The following PTCHD4 variants were observed in gnomAD, a reference collection of about 807,000 sequenced individuals.
PTCHD4 encodes patched domain containing 4.
A neutral mutation model predicts 58.1 loss-of-function variants in PTCHD4; 33 were observed. That is an observed-to-expected ratio of 0.57 (90% CI 0.43 to 0.76). PTCHD4 has a LOEUF of 0.76. Among genes scored for constraint, PTCHD4 ranks in the 30% least tolerant of loss-of-function variants. The probability of loss-of-function intolerance (pLI) is 0.00; values close to 1 mark genes in which losing one functional copy is unlikely to be tolerated. For missense variants in PTCHD4, 1,058 were observed against 1,027.1 expected, an observed-to-expected ratio of 1.03 and a Z score of -0.41; for synonymous variants, 478 against 409.6, an observed-to-expected ratio of 1.17 and a Z score of -2.02.
intron 4 of PTCHD4, among the ~76,000 whole-genome samples, chr6:47,892,366 T>G (rs922678172): frequency 6.6e-6 from 1 of 152,180 alleles, no homozygotes; most frequent in African/African-American, 2.4e-5. Flanking sequence ...TGAGGGATCA[T>G]TTAGGGAATA....
intron 4 of PTCHD4, among the ~76,000 whole-genome samples, chr6:47,984,662 T>C (rs1244030073): frequency 1.3e-5 from 2 of 152,080 alleles, no homozygotes; most frequent in East Asian, 3.9e-4. Flanking sequence ...AAATAAATAC[T>C]TGGAGAATAT....
rs71806345 is a variant in PTCHD4, at chr6:47,895,415, AAAT to A, written c.899-15482_899-15480del. Among the ~76,000 whole-genome samples, 141 of 152,338 alleles carry A rather than the reference AAAT, an allele frequency of 9.3e-4. 4 individuals are homozygous for A. In the East Asian group the frequency reaches 0.024, roughly 26 times the overall value. On this transcript the variant is annotated intron_variant, in intron 4 of 4. Coordinates refer to ENST00000339488, the MANE Select transcript of PTCHD4 (RefSeq NM_001384253.1). The stretch of plus-strand genomic sequence containing the variant: ...CAACAACCTAGGTTTCAGAAATTTT[AAAT>A]AATGAGCTGATAAAAGCATGTTAGC...
Position 47,860,626 on chromosome 6 carries a change from T to G in PTCHD4, c.*17677A>C, listed in dbSNP as rs1243510033. Among the ~76,000 whole-genome samples, 1 of 151,980 alleles carries G rather than the reference T, an allele frequency of 6.6e-6. No homozygotes were observed. The highest frequency in any genetic ancestry group is 1.5e-5 in the Non-Finnish European group (1 of 67,948). On this transcript the variant is annotated 3_prime_UTR_variant, in exon 5 of 5. Coordinates refer to ENST00000339488, the MANE Select transcript of PTCHD4 (RefSeq NM_001384253.1). Reference sequence around the variant, plus strand: ...TCTTCACAATGTCTATCTTCCTTTATGATTTTTTTTCTCTGAACTCATATC... The same window carrying G: ...TCTTCACAATGTCTATCTTCCTTTAGGATTTTTTTTCTCTGAACTCATATC...
intron 4 of PTCHD4, among the ~76,000 whole-genome samples, chr6:47,921,945 TAAA>T (rs544513150): frequency 4.3e-5 from 5 of 116,998 alleles, no homozygotes; most frequent in African/African-American, 6.7e-5. Flanking sequence ...ACACCTTGTC[TAAA>T]AAAAAAAAAA....
At chr6:48,038,271 T>G (rs537696488) in intron 3 of PTCHD4, among the ~76,000 whole-genome samples, 19 of 152,072 alleles carry the variant, frequency 1.2e-4, no homozygotes, top group Admixed American at 1.2e-3. Flanking sequence ...ATGGTGATGA[T>G]GCAGCCACAG....
chr6:48,097,305 T>G (rs765190360), intron 1 of PTCHD4, among the ~76,000 whole-genome samples: 1 of 152,184 alleles, frequency 6.6e-6, no homozygotes, highest in East Asian at 1.9e-4. Context: ...TCATCTTGTA[T>G]ATGACAGATA....
intron 4 of PTCHD4, among the ~76,000 whole-genome samples, chr6:48,006,321 C>T (rs770017333): frequency 9.9e-5 from 15 of 152,264 alleles, no homozygotes; most frequent in South Asian, 2.1e-4. Context: ...AAATACCTCT[C>T]GGGCTTCACA....
At chr6:47,906,500 G>A (rs1238414828) in intron 4 of PTCHD4, among the ~76,000 whole-genome samples, 1 of 152,142 alleles carries the variant, frequency 6.6e-6, no homozygotes, top group Non-Finnish European at 1.5e-5. Flanking sequence ...TCTTTTGAGG[G>A]GTGGGGCAGG....
intron 1 of PTCHD4, among the ~76,000 whole-genome samples, chr6:48,100,983 G>A (rs1374680518): frequency 6.6e-6 from 1 of 151,480 alleles, no homozygotes. Flanking sequence ...TACATAAAAA[G>A]TAATCAAAAT....
At chr6:47,951,080 A>AT (rs1766628998) in intron 4 of PTCHD4, among the ~76,000 whole-genome samples, 1 of 152,202 alleles carries the variant, frequency 6.6e-6, no homozygotes, top group African/African-American at 2.4e-5. Context: ...ATAAGATGTG[A>AT]TTTTTGCAAG....
Position 47,867,406 on chromosome 6 carries a change from A to G in PTCHD4, c.*10897T>C, listed in dbSNP as rs1422199693. Among the ~76,000 whole-genome samples the G allele has an allele frequency of 4.6e-5, 7 of 151,754 alleles. No individual in the cohort carries two copies. Among genetic ancestry groups the G allele is most frequent in the African/African-American group, 1.7e-4 (7 of 41,368 alleles). On this transcript the variant is annotated 3_prime_UTR_variant, in exon 5 of 5. Coordinates refer to ENST00000339488, the MANE Select transcript of PTCHD4 (RefSeq NM_001384253.1). ...CCTTGATTTTAACAGTTAAAATTCA[A>G]AAATAGAGACTGTGTATTTACATTT...
rs979986723 is a variant in PTCHD4 at position 47,868,286 on chromosome 6, G to A, written c.*10017C>T. Among the ~76,000 whole-genome samples, 10 of 151,380 alleles carry A rather than the reference G, an allele frequency of 6.6e-5. No homozygotes were observed. Among genetic ancestry groups the A allele is most frequent in the African/African-American group, 2.4e-4 (10 of 41,320 alleles). ...ATCAAGATGTGTATAGCTCTAGGTT[G>A]TAGCATTTCAACTTATAGGAAAGGA... On this transcript the variant is annotated 3_prime_UTR_variant, in exon 5 of 5. Coordinates refer to ENST00000339488, the MANE Select transcript of PTCHD4 (RefSeq NM_001384253.1).
intron 4 of PTCHD4, among the ~76,000 whole-genome samples, chr6:47,970,268 C>T (rs1003276955): frequency 2.6e-5 from 4 of 151,930 alleles, no homozygotes; most frequent in East Asian, 1.9e-4. Flanking sequence ...AAAATATAAA[C>T]GTCATTAAAA....
At chr6:47,948,489 A>G (rs1974051) in intron 4 of PTCHD4, among the ~76,000 whole-genome samples, 22,939 of 152,146 alleles carry the variant, frequency 0.15, 2,433 homozygotes, top group African/African-American at 0.3. Context: ...GGCTACCACA[A>G]TTTGTCCACC....
At position 48,000,460 on chromosome 6, in the gene PTCHD4, A is replaced by T. The variant is rs193291061; in HGVS notation, c.898+8174T>A. On this transcript the variant is annotated intron_variant, in intron 4 of 4. Transcript: ENST00000339488. ...ACCATGTTTACTCATTTCTTTTTTT[A>T]AAAAATTCATGAACACAAGCTTCAA... 2.6e-5 allele frequency among the ~76,000 whole-genome samples: 4 copies of T among 152,226 alleles called. No homozygotes were observed. In the East Asian group the frequency reaches 7.7e-4, roughly 29 times the overall value.
At chr6:48,070,717 A>G (rs116976152) in intron 1 of PTCHD4, among the ~76,000 whole-genome samples, 1 of 152,246 alleles carries the variant, frequency 6.6e-6, no homozygotes, top group East Asian at 1.9e-4. Flanking sequence ...GTCAAACTCA[A>G]TCTCTTTGCC....
Position 48,069,550 on chromosome 6 carries a change from G to T in PTCHD4, c.-593C>A, listed in dbSNP as rs1157819219. Among the ~76,000 whole-genome samples, 1 of 152,158 alleles carries T rather than the reference G, an allele frequency of 6.6e-6. No homozygotes were observed. The highest frequency in any genetic ancestry group is 2.4e-5 in the African/African-American group (1 of 41,434). ...TCGCTGTGATTCCACAGACCAGTCC[G>T]CTGCAGCTGAGGGCTGCGGAGACTC... On this transcript the variant is annotated 5_prime_UTR_variant, in exon 2 of 5. Coordinates refer to ENST00000339488, the MANE Select transcript of PTCHD4 (RefSeq NM_001384253.1).
At chr6:47,983,571 T>C (rs905696725) in intron 4 of PTCHD4, among the ~76,000 whole-genome samples, 3 of 152,204 alleles carry the variant, frequency 2.0e-5, no homozygotes, top group Non-Finnish European at 4.4e-5. Flanking sequence ...TAGTTTTTTA[T>C]AGTGCAACCA....
At chr6:48,103,827 G>T (rs976693670) in intron 1 of PTCHD4, among the ~76,000 whole-genome samples, 4 of 152,172 alleles carry the variant, frequency 2.6e-5, no homozygotes, top group Admixed American at 2.0e-4. Context: ...TAACTGATGC[G>T]ATCAACTGGA....
Sources: allele counts gnomAD v4.1 joint callset (sites outside exome capture counted in the v4.1 genomes callset), GRCh38; gene constraint gnomAD v4.1.1; transcripts MANE v1.5; gene names NCBI Gene and HGNC (gene_info 2026-07-23, HGNC 2026-07-21).